Variants in NRXN3 observed in about 807,000 individuals in gnomAD.
The protein encoded by NRXN3 is neurexin III.
In NRXN3, 32 loss-of-function variants were observed where a neutral mutation model predicts 137.6. The observed-to-expected ratio is 0.23, with a 90% CI of 0.18 to 0.31. NRXN3 has a LOEUF of 0.31. Ranked by LOEUF, NRXN3 falls within the 10% of genes least tolerant of loss-of-function variation. NRXN3 has a pLI of 1.00. For synonymous variants in NRXN3, 798 were observed against 784.5 expected (o/e 1.02, Z -0.29); for missense variants, 1,574 against 2,062.5 (o/e 0.76, Z 4.59).
chr14:79,264,522 A>ATGTGTGTGTGTG (rs34099529), intron 15 of NRXN3, among the ~76,000 whole-genome samples: 40 of 145,298 alleles, frequency 2.8e-4, no homozygotes, highest in African/African-American at 9.2e-4. Flanking sequence ...TGTTTACATG[A>ATGTGTGTGTGTG]TGTGTGTGTG....
At chr14:78,673,789 C>T (rs1011869931) in intron 6 of NRXN3, among the ~76,000 whole-genome samples, 1 of 152,200 alleles carries the variant, frequency 6.6e-6, no homozygotes, top group African/African-American at 2.4e-5. Context: ...AAGGTCCCAC[C>T]TCCAAATACC....
chr14:78,938,852 T>C (rs2099347228), intron 10 of NRXN3, among the ~76,000 whole-genome samples: 2 of 148,084 alleles, frequency 1.4e-5, no homozygotes, highest in African/African-American at 2.5e-5. Context: ...ATTTTTCTTT[T>C]TTTTTTTTTT....
At chr14:79,225,804 G>T (rs536904227) in intron 15 of NRXN3, among the ~76,000 whole-genome samples, 1 of 152,264 alleles carries the variant, frequency 6.6e-6, no homozygotes, top group South Asian at 2.1e-4. Context: ...AATTTCTTGT[G>T]GTTGAAGGAT....
At position 79,020,247 on chromosome 14, in the gene NRXN3, C is replaced by T. The variant is rs1280566693; in HGVS notation, c.3262+32106C>T. Among the ~76,000 whole-genome samples, 2 of 24,978 alleles carry T rather than the reference C, an allele frequency of 8.0e-5. 1 individual carries two copies. Among genetic ancestry groups the T allele is most frequent in the Non-Finnish European group, 1.4e-4 (2 of 14,282 alleles). The allele number at this position is 24,978 out of a possible 152,430, so 16.4% of individuals were successfully genotyped here. A position where few individuals can be genotyped will look rare whatever the true frequency, so the allele number is the denominator to read the frequency against. Reference sequence around the variant, plus strand: ...CCCTCCCCTCCCCTCCCCTCCCCTCCCCTCCCCTCCCCTCCCCTCCCCTTC... The same window carrying T: ...CCCTCCCCTCCCCTCCCCTCCCCTCTCCTCCCCTCCCCTCCCCTCCCCTTC... On this transcript the variant is annotated intron_variant, in intron 15 of 20. Coordinates refer to ENST00000335750, the MANE Select transcript of NRXN3 (RefSeq NM_001330195.2).
intron 11 of NRXN3, among the ~76,000 whole-genome samples, chr14:78,963,238 A>G (rs1003782301): frequency 2.0e-5 from 3 of 152,164 alleles, no homozygotes; most frequent in African/African-American, 4.8e-5. Flanking sequence ...CTGGAGATCA[A>G]TTCATCCAGA....
intron 10 of NRXN3, among the ~76,000 whole-genome samples, chr14:78,946,007 C>A (rs868038480): frequency 5.9e-5 from 9 of 152,164 alleles, no homozygotes; most frequent in Admixed American, 3.9e-4. Flanking sequence ...GAAAATGTAA[C>A]CCTCCAGAAA....
intron 4 of NRXN3, among the ~76,000 whole-genome samples, chr14:78,557,994 T>G (rs2096754181): frequency 1.3e-5 from 2 of 152,194 alleles, no homozygotes; most frequent in Admixed American, 1.3e-4. Flanking sequence ...TCATCCCCAT[T>G]TTACAGTTGA....
In NRXN3 at chr14:78,502,646, C is replaced by T. The variant is rs77342188; in HGVS notation, c.758-142474C>T. On this transcript the variant is annotated intron_variant, in intron 4 of 20. Transcript: ENST00000335750. Reference sequence around the variant, plus strand: ...CCTGTCAAAAATGTCAGCTTTTACTCTCTGGCTTGCAATCTAAATGGACCC... The same window carrying T: ...CCTGTCAAAAATGTCAGCTTTTACTTTCTGGCTTGCAATCTAAATGGACCC... Among the ~76,000 whole-genome samples, 680 of 152,278 alleles carry T rather than the reference C, an allele frequency of 4.5e-3. 33 individuals are homozygous for T. In the East Asian group the frequency reaches 0.088, roughly 20 times the overall value.
At position 79,382,232 on chromosome 14, in the gene NRXN3, G is replaced by A. The variant is rs1011717175; in HGVS notation, c.3263-84989G>A. Among the ~76,000 whole-genome samples, 6 of 152,148 alleles carry A rather than the reference G, an allele frequency of 3.9e-5. No homozygotes were observed. In the East Asian group the frequency reaches 7.7e-4, roughly 20 times the overall value. ...AGCTGCAGTGGGTGCAACTGACTGCGGCCAGTTGTCACCACCTGTGACATT... is the reference window on the plus strand; with the variant it reads ...AGCTGCAGTGGGTGCAACTGACTGCAGCCAGTTGTCACCACCTGTGACATT... On this transcript the variant is annotated intron_variant, in intron 15 of 20. Transcript: ENST00000335750.
intron 17 of NRXN3, among the ~76,000 whole-genome samples, chr14:79,676,808 C>T (rs1474170003): frequency 1.3e-5 from 2 of 151,956 alleles, no homozygotes; most frequent in Non-Finnish European, 2.9e-5. Flanking sequence ...AGTTTGCTGA[C>T]CTCAATTTTG....
intron 20 of NRXN3, among the ~76,000 whole-genome samples, chr14:79,858,977 TAAAAAAAAG>T (rs200633890): frequency 1.7e-4 from 7 of 40,008 alleles, no homozygotes; most frequent in East Asian, 2.1e-3. Flanking sequence ...GTTCACAATG[TAAAAAAAAG>T]AAAAAAAAAA....
intron 3 of NRXN3, among the ~76,000 whole-genome samples, chr14:78,295,653 G>C (rs958848964): frequency 6.6e-6 from 1 of 152,138 alleles, no homozygotes; most frequent in African/African-American, 2.4e-5. Flanking sequence ...TTAAAATTCA[G>C]ATCTGGCCCC....
chr14:79,448,794 T>A (rs1159018852), intron 15 of NRXN3, among the ~76,000 whole-genome samples: 3 of 152,192 alleles, frequency 2.0e-5, no homozygotes, highest in Non-Finnish European at 4.4e-5. Context: ...CATTTATGTA[T>A]GTATTATGTG....
intron 19 of NRXN3, among the ~76,000 whole-genome samples, chr14:79,710,038 GT>G (rs1305176932): frequency 6.6e-6 from 1 of 152,052 alleles, no homozygotes; most frequent in Non-Finnish European, 1.5e-5. Flanking sequence ...CCTGGATGGG[GT>G]TTTTGTTATG....
chr14:79,316,930 G>T (rs1402228594), intron 15 of NRXN3, among the ~76,000 whole-genome samples: 1 of 152,108 alleles, frequency 6.6e-6, no homozygotes, highest in East Asian at 1.9e-4. Context: ...TGAAAAGTCT[G>T]AAATAAAAGT....
At chr14:78,766,043 A>G (rs1595656526) in intron 8 of NRXN3, among the ~76,000 whole-genome samples, 1 of 152,352 alleles carries the variant, frequency 6.6e-6, no homozygotes, top group African/African-American at 2.4e-5. Flanking sequence ...CCCATCAAGC[A>G]GTCTGAGGTT....
chr14:79,347,822 T>A (rs2092974311), intron 15 of NRXN3, among the ~76,000 whole-genome samples: 1 of 152,210 alleles, frequency 6.6e-6, no homozygotes, highest in Admixed American at 6.5e-5. Context: ...ATATGACATC[T>A]ACCTCTAAAA....
intron 16 of NRXN3, among the ~76,000 whole-genome samples, chr14:79,475,374 A>T (rs1352565389): frequency 1.3e-5 from 2 of 152,236 alleles, no homozygotes; most frequent in African/African-American, 4.8e-5. Flanking sequence ...TTAGTTAATG[A>T]CAGTTATGTT....
intron 6 of NRXN3, among the ~76,000 whole-genome samples, chr14:78,661,561 G>A (rs1422251056): frequency 6.6e-6 from 1 of 152,186 alleles, no homozygotes; most frequent in Non-Finnish European, 1.5e-5. Context: ...GTGGATGGCA[G>A]GGACAGAAAA....
Sources: gnomAD v4.1 joint callset for allele counts (sites outside exome capture counted in the v4.1 genomes callset) on GRCh38, gnomAD v4.1.1 for gene constraint, MANE v1.5 for transcripts, NCBI Gene and HGNC (gene_info 2026-07-23, HGNC 2026-07-21) for gene names.